THSD7B: variants seen among roughly 807,000 people sequenced by gnomAD.
THSD7B encodes thrombospondin type-1 domain-containing protein 7B.
Under a neutral mutation model 213.6 loss-of-function variants are expected in THSD7B, and 138 were observed. The observed-to-expected ratio is 0.65, with a 90% CI of 0.56 to 0.74. The LOEUF (loss-of-function observed/expected upper bound fraction) is 0.74. THSD7B is among the 30% of genes least tolerant of loss of function. The probability of loss-of-function intolerance (pLI) is 0.00; values close to 1 mark genes in which losing one functional copy is unlikely to be tolerated. For missense variants in THSD7B, 1,931 were observed against 1,991.5 expected, an observed-to-expected ratio of 0.97 and a Z score of 0.58; for synonymous variants, 742 against 687.0, an observed-to-expected ratio of 1.08 and a Z score of -1.25.
At chr2:137,388,274 G>C (rs1036855982) in intron 12 of THSD7B, among the ~76,000 whole-genome samples, 1 of 151,672 alleles carries the variant, frequency 6.6e-6, no homozygotes, top group Non-Finnish European at 1.5e-5. Flanking sequence ...CTGCAAGGTA[G>C]GTATTATTAC....
At chr2:137,320,004 G>A (rs1339004028) in intron 12 of THSD7B, among the ~76,000 whole-genome samples, 1 of 152,172 alleles carries the variant, frequency 6.6e-6, no homozygotes, top group Non-Finnish European at 1.5e-5. Context: ...ATTCACTGAG[G>A]ATTATGGAGT....
intron 17 of THSD7B, among the ~76,000 whole-genome samples, chr2:137,611,494 G>A (rs541287290): frequency 1.2e-3 from 190 of 152,060 alleles, no homozygotes; most frequent in Non-Finnish European, 2.3e-3. Flanking sequence ...AGTAAAATGG[G>A]AATAATAATA....
At chr2:137,530,523 A>G (rs1270818008) in intron 15 of THSD7B, among the ~76,000 whole-genome samples, 3 of 152,014 alleles carry the variant, frequency 2.0e-5, no homozygotes, top group Admixed American at 6.6e-5. Flanking sequence ...ATAGAGCTTC[A>G]AGTCAGCTTG....
intron 2 of THSD7B, among the ~76,000 whole-genome samples, chr2:137,039,484 G>T (rs1036668589): frequency 2.6e-5 from 4 of 152,194 alleles, no homozygotes; most frequent in Admixed American, 2.6e-4. Flanking sequence ...ATCCTGCAAT[G>T]CACAGGACAA....
At chr2:137,046,971 T>C (rs1686982378) in intron 2 of THSD7B, among the ~76,000 whole-genome samples, 1 of 152,138 alleles carries the variant, frequency 6.6e-6, no homozygotes, top group Non-Finnish European at 1.5e-5. Flanking sequence ...CAGGAAGCTG[T>C]TGATGAGCTT....
intron 12 of THSD7B, among the ~76,000 whole-genome samples, chr2:137,373,933 C>T (rs568240979): frequency 5.6e-4 from 86 of 152,284 alleles, no homozygotes; most frequent in African/African-American, 2.0e-3. Context: ...CCAGTTTTCC[C>T]AGCACCATTT....
chr2:137,513,160 T>C (rs1016655275), intron 15 of THSD7B, among the ~76,000 whole-genome samples: 2 of 152,222 alleles, frequency 1.3e-5, no homozygotes, highest in Non-Finnish European at 2.9e-5. Context: ...TAAACAATAC[T>C]GTTTATTTCT....
At chr2:137,200,679 G>A (rs1393940245) in intron 7 of THSD7B, among the ~76,000 whole-genome samples, 1 of 151,788 alleles carries the variant, frequency 6.6e-6, no homozygotes, top group East Asian at 1.9e-4. Context: ...TTAAGAAACA[G>A]GATCTTACTC....
chr2:137,075,659 G>A (rs918280294), intron 3 of THSD7B, among the ~76,000 whole-genome samples: 24 of 152,110 alleles, frequency 1.6e-4, no homozygotes, highest in Non-Finnish European at 2.4e-4. Context: ...CAGGAGAGGC[G>A]CTCTGATTTT....
chr2:137,070,164 A>G (rs1382697802), intron 3 of THSD7B, among the ~76,000 whole-genome samples: 1 of 151,864 alleles, frequency 6.6e-6, no homozygotes, highest in Non-Finnish European at 1.5e-5. Context: ...GCTTGTTTGT[A>G]TCTTTCTATT....
chr2:137,198,343 T>C (rs1483465369), intron 7 of THSD7B, among the ~76,000 whole-genome samples: 1 of 152,168 alleles, frequency 6.6e-6, no homozygotes. Context: ...CCTGCAACTT[T>C]ATCCCTAAAC....
intron 24 of THSD7B, among the ~76,000 whole-genome samples, chr2:137,659,084 T>C (rs1204011036): frequency 7.9e-6 from 1 of 126,984 alleles, no homozygotes; most frequent in Non-Finnish European, 1.8e-5. Context: ...AGATGTTTGA[T>C]TGTCTCTCCT....
At chr2:137,377,762 G>A (rs1442895730) in intron 12 of THSD7B, among the ~76,000 whole-genome samples, 6 of 151,804 alleles carry the variant, frequency 4.0e-5, no homozygotes, top group Admixed American at 3.3e-4. Context: ...GAGTAGCTGC[G>A]ATTACAGGCA....
chr2:137,529,596 CTT>C (rs76753833), intron 15 of THSD7B, among the ~76,000 whole-genome samples: 5 of 136,798 alleles, frequency 3.7e-5, no homozygotes, highest in Admixed American at 7.5e-5. Flanking sequence ...TTCTAAGAAT[CTT>C]TTTTTTTTTT....
At chr2:137,672,969 A>G (rs1178393544) in intron 27 of THSD7B, among the ~76,000 whole-genome samples, 4 of 152,224 alleles carry the variant, frequency 2.6e-5, no homozygotes, top group African/African-American at 9.6e-5. Context: ...CCTGGAAGTT[A>G]CACCAGATAA....
At chr2:137,277,566 A>G (rs1682902594) in intron 12 of THSD7B, among the ~76,000 whole-genome samples, 2 of 152,252 alleles carry the variant, frequency 1.3e-5, no homozygotes, top group African/African-American at 4.8e-5. Context: ...AATGAGATCA[A>G]TCTCCTTTAT....
intron 15 of THSD7B, among the ~76,000 whole-genome samples, chr2:137,546,396 TATATATA>T (rs1680718083): frequency 3.4e-5 from 1 of 29,476 alleles, no homozygotes; most frequent in Non-Finnish European, 5.3e-5. Flanking sequence ...TTATATATAT[TATATATA>T]TTATATATAT....
chr2:137,583,840 T>C (rs1573724646), intron 17 of THSD7B, among the ~76,000 whole-genome samples: 1 of 152,242 alleles, frequency 6.6e-6, no homozygotes, highest in South Asian at 2.1e-4. Flanking sequence ...TGGTTCCATA[T>C]GAACTTTAAA....
intron 2 of THSD7B, among the ~76,000 whole-genome samples, chr2:136,904,621 T>C (rs549301115): frequency 1.5e-4 from 23 of 152,286 alleles, no homozygotes; most frequent in African/African-American, 5.1e-4. Flanking sequence ...TCTTCTTCCA[T>C]GTCAGAACAC....
Sources: allele counts gnomAD v4.1 joint callset (sites outside exome capture counted in the v4.1 genomes callset), GRCh38; gene constraint gnomAD v4.1.1; transcripts MANE v1.5; gene names NCBI Gene and HGNC (gene_info 2026-07-23, HGNC 2026-07-21).